RNLS: variants seen among roughly 807,000 people sequenced by gnomAD.
RNLS encodes the protein renalase, FAD dependent amine oxidase, also known as renalase.
RNLS carries 39 observed loss-of-function variants against 39.8 expected under a neutral mutation model. That is an observed-to-expected ratio of 0.98 (90% CI 0.76 to 1.28). The LOEUF is 1.28. RNLS is among the 50% of genes most tolerant of loss of function. The pLI is 0.00. For missense variants in RNLS, 410 were observed against 413.3 expected, an observed-to-expected ratio of 0.99 and a Z score of 0.07; for synonymous variants, 147 against 150.7, an observed-to-expected ratio of 0.98 and a Z score of 0.18.
At chr10:88,209,574 G>T in the RNLS span, among the ~76,000 whole-genome samples, 1 of 152,138 alleles carries the variant, frequency 6.6e-6, no homozygotes, top group Admixed American at 6.6e-5. Flanking sequence ...TTCCAGAATT[G>T]TGAGAGACTA....
At chr10:88,504,802 C>G in intron 4 of RNLS, among the ~76,000 whole-genome samples, 1 of 150,346 alleles carries the variant, frequency 6.7e-6, no homozygotes, top group East Asian at 1.9e-4. Context: ...AATTCTGAAT[C>G]TATTTTGTAT....
At chr10:88,583,030 C>T (rs1850738158) in intron 1 of RNLS, 43 bp downstream of exon 1, 2 of 1,594,976 alleles carry the variant, frequency 1.3e-6, no homozygotes, top group African/African-American at 1.4e-5. Context: ...GCAGCCTGCC[C>T]GGCAGTCCTC....
At chr10:88,312,643 T>A (rs1410015392) in intron 6 of RNLS, among the ~76,000 whole-genome samples, 1 of 152,198 alleles carries the variant, frequency 6.6e-6, no homozygotes, top group Non-Finnish European at 1.5e-5. Context: ...CTCATCACTA[T>A]AGAGAGTTAA....
chr10:88,577,015 T>G (rs1850249930), intron 3 of RNLS, among the ~76,000 whole-genome samples: 1 of 152,186 alleles, frequency 6.6e-6, no homozygotes, highest in African/African-American at 2.4e-5. Flanking sequence ...TTTTGAATAA[T>G]TTAGTAACAT....
At chr10:88,199,763 CA>C in the RNLS span, among the ~76,000 whole-genome samples, 1 of 152,300 alleles carries the variant, frequency 6.6e-6, no homozygotes, top group South Asian at 2.1e-4. Context: ...ATGACCTAAA[CA>C]AGACGAAGTC....
chr10:88,196,725 C>T, the RNLS span, among the ~76,000 whole-genome samples: 48 of 152,282 alleles, frequency 3.2e-4, no homozygotes, highest in African/African-American at 9.4e-4. Flanking sequence ...CCAGTTTAGA[C>T]GAGACAATGC....
At chr10:88,325,624 G>C (rs777583092) in intron 5 of RNLS, among the ~76,000 whole-genome samples, 3 of 152,172 alleles carry the variant, frequency 2.0e-5, no homozygotes, top group Non-Finnish European at 1.5e-5. Flanking sequence ...CCATTAATAG[G>C]TTAAATGTAC....
intron 5 of RNLS, among the ~76,000 whole-genome samples, chr10:88,316,316 A>C (rs1845766182): frequency 6.6e-6 from 1 of 152,230 alleles, no homozygotes; most frequent in Non-Finnish European, 1.5e-5. Flanking sequence ...GGAAGGACTC[A>C]GGAGTGGAAA....
In RNLS at chr10:88,360,838, G is replaced by T. The variant is rs76314398; in HGVS notation, c.700+1714C>A. On this transcript the variant is annotated intron_variant, in intron 5 of 6. Transcript: ENST00000331772. The stretch of plus-strand genomic sequence containing the variant: ...GAGGATGTCAGTATTGGGAGTGGAA[G>T]AGAGCAGAGAAAGATAAAACCTAGG... Among the ~76,000 whole-genome samples the T allele has an allele frequency of 5.1e-3, 782 of 152,344 alleles. 6 individuals carry two copies. The highest frequency in any genetic ancestry group is 0.018 in the African/African-American group (739 of 41,590).
At chr10:88,317,588 T>C (rs945662655) in intron 5 of RNLS, among the ~76,000 whole-genome samples, 1 of 152,212 alleles carries the variant, frequency 6.6e-6, no homozygotes. Flanking sequence ...ATACATAAAA[T>C]TTACTGTTTT....
chr10:88,531,541 C>T (rs964268528), intron 4 of RNLS, among the ~76,000 whole-genome samples: 1 of 151,998 alleles, frequency 6.6e-6, no homozygotes, highest in Non-Finnish European at 1.5e-5. Context: ...GTTAGCAATG[C>T]AGGCACTCCC....
Position 88,284,942 on chromosome 10 carries a change from C to T in RNLS, c.*412G>A, listed in dbSNP as rs1027066872. The T allele has an allele frequency of 1.2e-5, 12 of 986,784 alleles. No homozygotes were observed. In the Admixed American group the frequency reaches 5.5e-4, roughly 45 times the overall value. The allele number at this position is 986,784 out of a possible 1,614,324, so 61.1% of individuals were successfully genotyped here. A position where few individuals can be genotyped will look rare whatever the true frequency, so the allele number is the denominator to read the frequency against. ...ATTTGCAAAAATATTGATTCAAGGA[C>T]ACATCCGAAGACTTAAGATGGGGCT... On this transcript the variant is annotated 3_prime_UTR_variant, in exon 7 of 7. Coordinates refer to ENST00000331772, the MANE Select transcript of RNLS (RefSeq NM_001031709.3).
intron 4 of RNLS, among the ~76,000 whole-genome samples, chr10:88,486,520 GA>G (rs201186240): frequency 5.3e-5 from 8 of 149,592 alleles, no homozygotes; most frequent in East Asian, 2.0e-4. Flanking sequence ...AAATTTACAA[GA>G]AAAAAAAACC....
intron 4 of RNLS, among the ~76,000 whole-genome samples, chr10:88,524,998 T>TATATATATACAC (rs1554919255): frequency 9.6e-6 from 1 of 104,472 alleles, no homozygotes; most frequent in African/African-American, 3.5e-5. Flanking sequence ...TATATATATA[T>TATATATATACAC]ACACACACAC....
At chr10:88,503,065 C>T (rs1331284850) in intron 4 of RNLS, among the ~76,000 whole-genome samples, 1 of 152,118 alleles carries the variant, frequency 6.6e-6, no homozygotes, top group Non-Finnish European at 1.5e-5. Context: ...CATGTCCCAA[C>T]CCCAAACAAG....
chr10:88,427,426 T>C (rs1297987700), intron 4 of RNLS, among the ~76,000 whole-genome samples: 1 of 152,018 alleles, frequency 6.6e-6, no homozygotes, highest in African/African-American at 2.4e-5. Flanking sequence ...GGGTGGACAA[T>C]TGTTGATCTC....
the RNLS span, among the ~76,000 whole-genome samples, chr10:88,254,464 C>T: frequency 0.12 from 18,364 of 152,130 alleles, 1,566 homozygotes; most frequent in African/African-American, 0.24. Context: ...ATGCTGTGGA[C>T]CTAACAAGAG....
At chr10:88,204,131 T>G in the RNLS span, among the ~76,000 whole-genome samples, 1 of 152,246 alleles carries the variant, frequency 6.6e-6, no homozygotes, top group East Asian at 1.9e-4. Context: ...CCTTACACCC[T>G]GGGGATCAGA....
At chr10:88,174,075 T>A in the RNLS span, among the ~76,000 whole-genome samples, 1 of 152,280 alleles carries the variant, frequency 6.6e-6, no homozygotes, top group African/African-American at 2.4e-5. Context: ...ATTAGAAGCA[T>A]TACCAATTTT....
Sources: gnomAD v4.1 joint callset for allele counts (sites outside exome capture counted in the v4.1 genomes callset) on GRCh38, gnomAD v4.1.1 for gene constraint, MANE v1.5 for transcripts, NCBI Gene and HGNC (gene_info 2026-07-23, HGNC 2026-07-21) for gene names.